The following PIEZO1 variants were observed in gnomAD, a reference collection of about 807,000 sequenced individuals.
The protein encoded by PIEZO1 is piezo-type mechanosensitive ion channel component 1.
PIEZO1 carries 296 observed loss-of-function variants against 297.2 expected under a neutral mutation model. The ratio of observed to expected loss-of-function variants is 1.00; its 90% CI spans 0.91 to 1.10. The LOEUF (loss-of-function observed/expected upper bound fraction) is 1.10, where lower values mean the gene tolerates loss of function less well. Among genes scored for constraint, PIEZO1 ranks in the 50% least tolerant of loss-of-function variants. PIEZO1 has a pLI of 0.00. For missense variants in PIEZO1, 5,018 were observed against 3,455.5 expected (o/e 1.45, Z -11.34); for synonymous variants, 2,427 against 1,507.5 (o/e 1.61, Z -14.13).
intron 1 of PIEZO1, among the ~76,000 whole-genome samples, chr16:88,771,533 G>A (rs185372783): frequency 6.6e-6 from 1 of 152,334 alleles, no homozygotes; most frequent in Non-Finnish European, 1.5e-5. Flanking sequence ...TGGGCTCAGG[G>A]GCCACACACG....
chr16:88,749,202 T>A (rs545058018), intron 2 of PIEZO1, among the ~76,000 whole-genome samples, 182 bp downstream of exon 2: 6 of 151,516 alleles, frequency 4.0e-5, no homozygotes, highest in Admixed American at 3.3e-4. Flanking sequence ...ATCGCGCCAC[T>A]GCACTCCAGC....
At position 88,732,465 on chromosome 16, in the gene PIEZO1, C is replaced by T. The variant is rs768829292; in HGVS notation, c.2861G>A (p.Arg954Gln). Residue 954 changes from arginine to glutamine, a missense_variant, in exon 21 of 51, where the codon CGG becomes CAG. Transcript: ENST00000301015. Reference protein sequence around the residue: ...IVYRRQEHYRRQHQLAPLPAQ... With the variant: ...IVYRRQEHYRQQHQLAPLPAQ... Reference sequence around the variant, plus strand: ...AGGCAGCGGGGCCAGCTGGTGCTGCCGGCGGTAGTGCTCCTGGCGCCGGTA... The same window carrying T: ...AGGCAGCGGGGCCAGCTGGTGCTGCTGGCGGTAGTGCTCCTGGCGCCGGTA... 15 of 1,549,272 alleles carry T rather than the reference C, an allele frequency of 9.7e-6. No individual in the cohort carries two copies. The highest frequency in any genetic ancestry group is 1.7e-4 in the Middle Eastern group (1 of 6,002).
chr16:88,765,617 C>T (rs116623965), intron 1 of PIEZO1, among the ~76,000 whole-genome samples: 6,748 of 151,992 alleles, frequency 0.044, 497 homozygotes, highest in African/African-American at 0.15. Context: ...TGGACAGCAG[C>T]GCCTGGAGCC....
chr16:88,725,870 C>A, intron 27 of PIEZO1, 186 bp from the exon 28 acceptor site: 1 of 600,896 alleles, frequency 1.7e-6, no homozygotes. Flanking sequence ...GAGGACAGGC[C>A]CTTCTGCCGT....
intron 44 of PIEZO1, chr16:88,719,277 C>A: frequency 2.7e-6 from 1 of 369,822 alleles, no homozygotes; most frequent in Non-Finnish European, 5.0e-6. Context: ...GGCCATTAAA[C>A]AAGAATGCAG....
intron 19 of PIEZO1, 33 bp from the exon 20 acceptor site, chr16:88,732,765 C>G (rs1904951373): frequency 6.6e-7 from 1 of 1,515,972 alleles, no homozygotes; most frequent in Non-Finnish European, 8.9e-7. Flanking sequence ...TGCCCCCTCC[C>G]AGGCCACAGT....
rs557963639 is a variant in PIEZO1, at chr16:88,755,617, C to A, written c.65-6138G>T. On this transcript the variant is annotated intron_variant, in intron 1 of 50. Coordinates refer to ENST00000301015, the MANE Select transcript of PIEZO1 (RefSeq NM_001142864.4). ...ATAGGCGGGTACCAACACACTTGCT[C>A]TGTCTGCCTCCTTTTATTTCCCGGC... Among the ~76,000 whole-genome samples, 4 of 152,380 alleles carry A rather than the reference C, an allele frequency of 2.6e-5. No individual in the cohort carries two copies. The East Asian group carries it at 7.7e-4, about 29-fold the overall frequency.
chr16:88,733,829 G>A (rs1021999738), intron 17 of PIEZO1, 77 bp downstream of exon 17: 23 of 1,464,506 alleles, frequency 1.6e-5, no homozygotes, highest in Non-Finnish European at 1.8e-5. Flanking sequence ...GCCCAGAGGG[G>A]ACTCTGCCAA....
chr16:88,723,340 C>G lies in PIEZO1; in HGVS notation c.4336-12G>C, dbSNP rs766078279. ...GCCTGGTACGCCAGCTGTCGGCCAG[C>G]CCCCGGGTTAGGACCCGGCCTCCCG... On this transcript the variant is annotated splice_polypyrimidine_tract_variant and intron_variant, in intron 31 of 50. Transcript: ENST00000301015. 3 of 1,536,740 alleles carry G rather than the reference C, an allele frequency of 2.0e-6. No homozygotes were observed. The highest frequency in any genetic ancestry group is 2.6e-6 in the Non-Finnish European group (3 of 1,146,476).
chr16:88,749,982 C>T (rs1410849690), intron 1 of PIEZO1, among the ~76,000 whole-genome samples: 1 of 150,814 alleles, frequency 6.6e-6, no homozygotes, highest in Non-Finnish European at 1.5e-5. Context: ...GAGATGGCAC[C>T]ACTGCACTCC....
intron 2 of PIEZO1, among the ~76,000 whole-genome samples, chr16:88,748,462 A>G (rs1042180314): frequency 2.4e-5 from 3 of 123,372 alleles, no homozygotes; most frequent in Non-Finnish European, 5.1e-5. Flanking sequence ...TCAGACCCCA[A>G]GGTGGTTCCC....
At chr16:88,764,751 C>CAAA (rs532714692) in intron 1 of PIEZO1, among the ~76,000 whole-genome samples, 2 of 90,418 alleles carry the variant, frequency 2.2e-5, no homozygotes, top group Non-Finnish European at 4.7e-5. Flanking sequence ...AACTCCGTCT[C>CAAA]AAAAAAAAAA....
rs1439551096 is a variant in PIEZO1 at position 88,722,402 on chromosome 16, G to A, written c.4776-5C>T. The A allele has an allele frequency of 2.0e-6, 3 of 1,490,440 alleles. No individual in the cohort carries two copies. Among genetic ancestry groups the A allele is most frequent in the East Asian group, 2.5e-5 (1 of 40,294 alleles). The allele number at this position is 1,490,440 out of a possible 1,614,324, so 92.3% of individuals were successfully genotyped here. On this transcript the variant is annotated splice_region_variant and splice_polypyrimidine_tract_variant and intron_variant, in intron 35 of 50. Coordinates refer to ENST00000301015, the MANE Select transcript of PIEZO1 (RefSeq NM_001142864.4). ...GGCTCCTCCGCGCCCAGCCCACTGG[G>A]GAGGGAAGCCGAGTCACAGAGAATC...
At position 88,734,941 on chromosome 16, in the gene PIEZO1, G is replaced by T; in HGVS notation, c.1782C>A (p.Ala594=). The T allele has an allele frequency of 6.4e-7, 1 of 1,550,468 alleles. No individual in the cohort carries two copies. The highest frequency in any genetic ancestry group is 8.7e-7 in the Non-Finnish European group (1 of 1,146,972). Residue 594 remains alanine (A), a synonymous_variant, in exon 14 of 51, where the codon GCC becomes GCA. Transcript: ENST00000301015. ...CAATCTTGTAGACCACGAGGCGGCC[G>T]GCGAAGCTGACCACGATGAACATGC... ...CAGMFIVVSF[A]GRLVVYKIVY...
At chr16:88,744,410 G>C (rs930483605) in intron 2 of PIEZO1, 2 of 152,038 alleles carry the variant, frequency 1.3e-5, no homozygotes, top group African/African-American at 4.8e-5. Flanking sequence ...GCTCCTGCTG[G>C]GGCTGTCAAG....
chr16:88,735,035 G>C lies in PIEZO1; in HGVS notation c.1688C>G (p.Thr563Arg). 2 of 1,550,412 alleles carry C rather than the reference G, an allele frequency of 1.3e-6. No homozygotes were observed. The highest frequency in any genetic ancestry group is 1.7e-6 in the Non-Finnish European group (2 of 1,146,960). ...CAGCTCCCCCAGGCTCTGCAACAGC[G>C]TCTGCGTCCGCGTGGGCTCTGTGGG... is the stretch of plus-strand genomic sequence containing the variant. ...VADTEPTRTQ[T>R]LLQSLGELVK... The change falls in exon 14 of 51, where the codon ACG becomes AGG. Residue 563 changes from threonine to arginine, a missense_variant. By Grantham distance (71) the Thr-to-Arg change is moderately conservative (BLOSUM62 -1). Transcript: ENST00000301015.
intron 27 of PIEZO1, chr16:88,726,015 T>G: frequency 1.8e-6 from 1 of 567,972 alleles, no homozygotes; most frequent in East Asian, 2.9e-5. Context: ...TGGAGAAACT[T>G]AGCCCTTAGT....
chr16:88,737,545 T>A lies in PIEZO1; in HGVS notation c.1195+14A>T. 1 of 1,510,812 alleles carries A rather than the reference T, an allele frequency of 6.6e-7. No individual in the cohort carries two copies. Among genetic ancestry groups the A allele is most frequent in the South Asian group, 1.2e-5 (1 of 83,542 alleles). 93.6% of individuals were successfully genotyped at this position (1,510,812 alleles called of 1,614,324 possible). Reference sequence around the variant, plus strand: ...CCCCGCACCCAGCCATACCTTGCAGTGTGCGGTACTCACCAGGCCGCCGCA... The same window carrying A: ...CCCCGCACCCAGCCATACCTTGCAGAGTGCGGTACTCACCAGGCCGCCGCA... On this transcript the variant is annotated intron_variant, in intron 10 of 50. Transcript: ENST00000301015.
intron 27 of PIEZO1, chr16:88,725,942 T>A: frequency 1.8e-6 from 1 of 567,990 alleles, no homozygotes; most frequent in Non-Finnish European, 3.1e-6. Flanking sequence ...AAGGCAAAGC[T>A]GGCCCCAAGC....
Sources: allele counts gnomAD v4.1 joint callset (sites outside exome capture counted in the v4.1 genomes callset), GRCh38; gene constraint gnomAD v4.1.1; transcripts MANE v1.5; gene names NCBI Gene and HGNC (gene_info 2026-07-23, HGNC 2026-07-21).